The following GALNTL6 variants were observed in gnomAD, a reference collection of about 807,000 sequenced individuals.
GALNTL6 encodes polypeptide N-acetylgalactosaminyltransferase-like 6.
A neutral mutation model predicts 73.7 loss-of-function variants in GALNTL6; 46 were observed. The observed-to-expected ratio is 0.62, with a 90% CI of 0.49 to 0.80. The LOEUF is 0.80. GALNTL6 is among the 30% of genes least tolerant of loss of function. The pLI, the probability that GALNTL6 is intolerant of heterozygous loss-of-function variation, is 0.00. For missense variants in GALNTL6, 604 were observed against 755.0 expected, an observed-to-expected ratio of 0.80 and a Z score of 2.34; for synonymous variants, 259 against 263.7, an observed-to-expected ratio of 0.98 and a Z score of 0.17.
intron 5 of GALNTL6, among the ~76,000 whole-genome samples, chr4:172,568,082 A>C (rs139264323): frequency 1.2e-3 from 183 of 152,328 alleles, no homozygotes; most frequent in African/African-American, 3.8e-3. Flanking sequence ...AATAATTAAT[A>C]TATTGTATAA....
At chr4:172,098,756 C>T (rs968985237) in intron 2 of GALNTL6, among the ~76,000 whole-genome samples, 6 of 152,154 alleles carry the variant, frequency 3.9e-5, no homozygotes, top group African/African-American at 1.4e-4. Context: ...AGCAATTTTG[C>T]ACCCTGGGGA....
chr4:172,138,556 A>C (rs1173890050), intron 2 of GALNTL6, among the ~76,000 whole-genome samples: 3 of 70,124 alleles, frequency 4.3e-5, no homozygotes, highest in East Asian at 3.9e-4. Flanking sequence ...TTGAGACGCA[A>C]TCTCGCTCTG....
chr4:172,371,101 A>C (rs1742791891), intron 5 of GALNTL6, among the ~76,000 whole-genome samples: 1 of 152,240 alleles, frequency 6.6e-6, no homozygotes, highest in Non-Finnish European at 1.5e-5. Flanking sequence ...GGCTCAGTGC[A>C]AACAGCTCAC....
intron 5 of GALNTL6, among the ~76,000 whole-genome samples, chr4:172,594,693 A>G (rs1303508209): frequency 6.6e-6 from 1 of 152,230 alleles, no homozygotes; most frequent in African/African-American, 2.4e-5. Flanking sequence ...AATAATTTTA[A>G]TTTGAAAAAG....
At chr4:171,904,496 A>G (rs1477348922) in intron 2 of GALNTL6, among the ~76,000 whole-genome samples, 1 of 152,240 alleles carries the variant, frequency 6.6e-6, no homozygotes, top group Non-Finnish European at 1.5e-5. Context: ...GGACTATGTG[A>G]AAAGACCAAA....
chr4:172,714,303 CCAAA>C (rs1734915412), intron 5 of GALNTL6, among the ~76,000 whole-genome samples: 1 of 56,420 alleles, frequency 1.8e-5, no homozygotes, highest in South Asian at 9.1e-4. Flanking sequence ...TGGTTTCACA[CCAAA>C]CACACACACA....
At chr4:172,888,520 T>C (rs1354413524) in intron 8 of GALNTL6, among the ~76,000 whole-genome samples, 1 of 152,232 alleles carries the variant, frequency 6.6e-6, no homozygotes, top group Non-Finnish European at 1.5e-5. Flanking sequence ...TGGAGTTCTC[T>C]TCTCATTGCT....
At chr4:172,924,171 CATTCTCTT>C (rs1163549207) in intron 8 of GALNTL6, among the ~76,000 whole-genome samples, 4 of 152,172 alleles carry the variant, frequency 2.6e-5, no homozygotes, top group African/African-American at 9.6e-5. Flanking sequence ...GCGCCTGGCC[CATTCTCTT>C]TCAGCAGCCC....
intron 2 of GALNTL6, among the ~76,000 whole-genome samples, chr4:171,843,145 T>A (rs936281551): frequency 1.3e-5 from 2 of 152,114 alleles, no homozygotes; most frequent in Non-Finnish European, 2.9e-5. Flanking sequence ...ATTAGTTTAG[T>A]TTTAATGGTT....
intron 5 of GALNTL6, among the ~76,000 whole-genome samples, chr4:172,630,418 T>C (rs1006436996): frequency 6.6e-6 from 1 of 152,068 alleles, no homozygotes; most frequent in African/African-American, 2.4e-5. Flanking sequence ...ATTTTCCTAC[T>C]AGAAATCGTA....
intron 8 of GALNTL6, among the ~76,000 whole-genome samples, chr4:172,901,828 AC>A (rs1746645765): frequency 6.6e-6 from 1 of 152,116 alleles, no homozygotes; most frequent in South Asian, 2.1e-4. Flanking sequence ...CATAACATAA[AC>A]GTCTACCCTG....
At chr4:172,698,673 G>A (rs1733837181) in intron 5 of GALNTL6, among the ~76,000 whole-genome samples, 1 of 152,206 alleles carries the variant, frequency 6.6e-6, no homozygotes, top group Non-Finnish European at 1.5e-5. Context: ...TGCTTTGATG[G>A]AGATGGGGAA....
chr4:172,470,246 G>C (rs184810917), intron 5 of GALNTL6, among the ~76,000 whole-genome samples: 2 of 152,236 alleles, frequency 1.3e-5, no homozygotes, highest in East Asian at 3.9e-4. Context: ...CATCACAGAA[G>C]CTGGAAAAGA....
chr4:171,965,740 T>C (rs1739367027), intron 2 of GALNTL6, among the ~76,000 whole-genome samples: 1 of 150,980 alleles, frequency 6.6e-6, no homozygotes. Context: ...GACTTAACAA[T>C]TCTTATTTTT....
intron 4 of GALNTL6, 38 bp downstream of exon 4, chr4:172,311,790 T>G: frequency 7.0e-7 from 1 of 1,434,318 alleles, no homozygotes; most frequent in Non-Finnish European, 9.3e-7. Context: ...GTGGGTTTTT[T>G]TGGTTTTTTT....
At chr4:172,019,224 G>T (rs1189419270) in intron 2 of GALNTL6, among the ~76,000 whole-genome samples, 1 of 152,060 alleles carries the variant, frequency 6.6e-6, no homozygotes, top group African/African-American at 2.4e-5. Context: ...TTTCATTCCA[G>T]GTGGGAAATG....
chr4:172,090,344 A>C (rs1388634293), intron 2 of GALNTL6, among the ~76,000 whole-genome samples: 1 of 152,188 alleles, frequency 6.6e-6, no homozygotes, highest in African/African-American at 2.4e-5. Flanking sequence ...CTATTTCTCC[A>C]CATCCTCTCC....
In GALNTL6 at chr4:173,031,555, A is replaced by C. The variant is rs1466748199; in HGVS notation, c.1639-8378A>C. Among the ~76,000 whole-genome samples, 3 of 152,290 alleles carry C rather than the reference A, an allele frequency of 2.0e-5. No homozygotes were observed. In the East Asian group the frequency reaches 5.8e-4, roughly 29 times the overall value. On this transcript the variant is annotated intron_variant, in intron 12 of 12. Coordinates refer to ENST00000506823, the MANE Select transcript of GALNTL6 (RefSeq NM_001034845.3). ...AATTCACTGAATGAATGAATAAGTG[A>C]ATCTAGCTTCCTGTTTGTCCACATT...
intron 3 of GALNTL6, among the ~76,000 whole-genome samples, chr4:172,265,261 G>A (rs1023549915): frequency 2.0e-5 from 3 of 151,900 alleles, no homozygotes; most frequent in African/African-American, 4.8e-5. Context: ...ACAAAGTAAG[G>A]TTACAAAATA....
Sources: gnomAD v4.1 joint callset for allele counts (sites outside exome capture counted in the v4.1 genomes callset) on GRCh38, gnomAD v4.1.1 for gene constraint, MANE v1.5 for transcripts, NCBI Gene and HGNC (gene_info 2026-07-23, HGNC 2026-07-21) for gene names.